The following PAPSS2 variants were observed in gnomAD, a reference collection of about 807,000 sequenced individuals.
PAPSS2 encodes the protein bifunctional 3'-phosphoadenosine 5'-phosphosulfate synthase 2.
Under a neutral mutation model 66.5 loss-of-function variants are expected in PAPSS2, and 61 were observed. That is an observed-to-expected ratio of 0.92 (90% confidence interval 0.75 to 1.14). PAPSS2 has a LOEUF of 1.14. PAPSS2 is among the 50% of genes most tolerant of loss of function. The pLI, the probability that PAPSS2 is intolerant of heterozygous loss-of-function variation, is 0.00. For missense variants in PAPSS2, 708 were observed against 789.6 expected (o/e 0.90, Z 1.24); for synonymous variants, 289 against 287.5 (o/e 1.01, Z -0.05).
intron 9 of PAPSS2, among the ~76,000 whole-genome samples, chr10:87,731,615 A>G (rs1853730556): frequency 6.6e-6 from 1 of 152,214 alleles, no homozygotes; most frequent in South Asian, 2.1e-4. Flanking sequence ...AACATTTGCA[A>G]TTCGTGGGAA....
chr10:87,660,058 C>T (rs1403587969), intron 1 of PAPSS2, 50 bp downstream of exon 1: 1 of 1,579,692 alleles, frequency 6.3e-7, no homozygotes, highest in Non-Finnish European at 8.6e-7. Flanking sequence ...CTGCACGCGC[C>T]GACCCCCAAC....
intron 1 of PAPSS2, among the ~76,000 whole-genome samples, chr10:87,703,219 G>A (rs1285595730): frequency 6.6e-6 from 1 of 150,410 alleles, no homozygotes; most frequent in East Asian, 2.0e-4. Context: ...GAACCTTAGT[G>A]TAGGGTACGT....
At chr10:87,743,878 G>A (rs1297269087) in intron 11 of PAPSS2, among the ~76,000 whole-genome samples, 1 of 152,170 alleles carries the variant, frequency 6.6e-6, no homozygotes, top group Non-Finnish European at 1.5e-5. Context: ...GCCGAGGTGG[G>A]CAGATCACAA....
In PAPSS2 at chr10:87,746,988, G is replaced by A. The variant is rs975306311; in HGVS notation, c.*1018G>A. 3.3e-5 allele frequency: 5 copies of A among 152,178 alleles called. No homozygotes were observed. The highest frequency in any genetic ancestry group is 9.7e-5 in the African/African-American group (4 of 41,426). 9.4% of individuals were successfully genotyped at this position (152,178 alleles called of 1,614,324 possible). A position where few individuals can be genotyped will look rare whatever the true frequency, so the allele number is the denominator to read the frequency against. On this transcript the variant is annotated 3_prime_UTR_variant, in exon 13 of 13. Coordinates refer to ENST00000456849, the MANE Select transcript of PAPSS2 (RefSeq NM_001015880.2). ...TGTAAATTTGCCATTATTAGGAAGT[G>A]CTGGTGGCAGTGAAGAAGCACCCAG...
intron 1 of PAPSS2, among the ~76,000 whole-genome samples, chr10:87,676,663 TA>T (rs1463914654): frequency 6.6e-6 from 1 of 151,916 alleles, no homozygotes; most frequent in Non-Finnish European, 1.5e-5. Context: ...TATGTTGCGT[TA>T]TATAGCACTT....
At chr10:87,662,853 C>T (rs1852769401) in intron 1 of PAPSS2, among the ~76,000 whole-genome samples, 1 of 151,850 alleles carries the variant, frequency 6.6e-6, no homozygotes, top group South Asian at 2.1e-4. Context: ...GGATTATCAA[C>T]CTTTTCCTTA....
intron 9 of PAPSS2, among the ~76,000 whole-genome samples, chr10:87,731,729 CGTG>C (rs1032625156): frequency 6.6e-5 from 10 of 152,100 alleles, no homozygotes; most frequent in Non-Finnish European, 1.0e-4. Flanking sequence ...TAACTGCAGA[CGTG>C]GTGGAAATAG....
intron 1 of PAPSS2, among the ~76,000 whole-genome samples, chr10:87,673,400 T>A (rs1467672036): frequency 6.6e-6 from 1 of 152,130 alleles, no homozygotes; most frequent in Admixed American, 6.6e-5. Flanking sequence ...CCTCAAGCGA[T>A]CCTCCCACCT....
At chr10:87,716,176 C>T (rs1853530219) in intron 7 of PAPSS2, among the ~76,000 whole-genome samples, 1 of 152,156 alleles carries the variant, frequency 6.6e-6, no homozygotes, top group African/African-American at 2.4e-5. Flanking sequence ...CTGCTAGGGA[C>T]ATTCCTAGGG....
At chr10:87,681,198 T>C (rs1431948788) in intron 1 of PAPSS2, among the ~76,000 whole-genome samples, 1 of 152,182 alleles carries the variant, frequency 6.6e-6, no homozygotes, top group Non-Finnish European at 1.5e-5. Flanking sequence ...CTGCTGTACA[T>C]AGCGTTGGAT....
chr10:87,718,614 G>A (rs1353798827), intron 7 of PAPSS2, among the ~76,000 whole-genome samples: 2 of 152,200 alleles, frequency 1.3e-5, no homozygotes, highest in African/African-American at 4.8e-5. Flanking sequence ...CCCCAGCCAT[G>A]TGCCACTTGC....
At chr10:87,736,067 G>A (rs908926933) in intron 9 of PAPSS2, among the ~76,000 whole-genome samples, 15 of 152,104 alleles carry the variant, frequency 9.9e-5, no homozygotes, top group African/African-American at 3.6e-4. Flanking sequence ...GTGGTGAAAG[G>A]TACTTGGGGT....
At chr10:87,681,879 A>T (rs1323483386) in intron 1 of PAPSS2, among the ~76,000 whole-genome samples, 3 of 152,188 alleles carry the variant, frequency 2.0e-5, no homozygotes, top group Admixed American at 6.5e-5. Context: ...TCAGTACTTC[A>T]TACTTTTTAT....
Position 87,741,317 on chromosome 10 carries a change from A to G in PAPSS2, c.1169A>G (p.Gln390Arg). 1.2e-6 allele frequency: 2 copies of G among 1,613,676 alleles called. No homozygotes were observed. The highest frequency in any genetic ancestry group is 1.7e-6 in the Non-Finnish European group (2 of 1,179,548). ...EKIRWNDGLD[Q>R]YRLTPLELKQ... The stretch of plus-strand genomic sequence containing the variant: ...ATAAGATGGAATGATGGGCTGGACC[A>G]ATACCGTCTGACACCTCTGGAGCTC... Residue 390 changes from glutamine to arginine, a missense_variant, in exon 10 of 13, where the codon CAA (glutamine) becomes CGA (arginine). By Grantham distance (43) the Gln-to-Arg change is conservative. Coordinates refer to ENST00000456849, the MANE Select transcript of PAPSS2 (RefSeq NM_001015880.2).
rs184304901 is a variant in PAPSS2 at position 87,747,691 on chromosome 10, A to G, written c.*1721A>G. ...CTGATGCTTGTTCTTATTTTAATAA[A>G]TTTATCAGAGTGAAGGCTGAGTTTT... On this transcript the variant is annotated 3_prime_UTR_variant, in exon 13 of 13. Coordinates refer to ENST00000456849, the MANE Select transcript of PAPSS2 (RefSeq NM_001015880.2). The G allele has an allele frequency of 1.0e-4, 16 of 152,654 alleles. No individual in the cohort carries two copies. The highest frequency in any genetic ancestry group is 3.3e-4 in the Admixed American group (5 of 15,304). The allele number at this position is 152,654 out of a possible 1,614,324, so 9.5% of individuals were successfully genotyped here.
At chr10:87,690,532 T>C (rs923011634) in intron 1 of PAPSS2, among the ~76,000 whole-genome samples, 1 of 152,132 alleles carries the variant, frequency 6.6e-6, no homozygotes, top group Admixed American at 6.5e-5. Flanking sequence ...TTTTGAGCCA[T>C]GTGGATGTGA....
rs1355968930 is a variant in PAPSS2, at chr10:87,660,025, C to G, written c.27+17C>G. On this transcript the variant is annotated intron_variant, in intron 1 of 12. Transcript: ENST00000456849. ...CAAAAGACGGTAGGCTTCCAGGCGC[C>G]GGCTTCCCTCCCCGCCACCGCACTG... 1.9e-6 allele frequency: 3 copies of G among 1,609,808 alleles called. No homozygotes were observed. In the South Asian group the frequency reaches 3.3e-5, roughly 18 times the overall value.
chr10:87,709,067 TA>T, intron 1 of PAPSS2, 128 bp from the exon 2 acceptor site: 1 of 624,834 alleles, frequency 1.6e-6, no homozygotes, highest in Non-Finnish European at 2.9e-6. Context: ...TCTTTCAAAA[TA>T]TTTTTTATAT....
intron 1 of PAPSS2, among the ~76,000 whole-genome samples, chr10:87,701,400 T>C (rs932328101): frequency 0.023 from 1,481 of 63,850 alleles, 16 homozygotes; most frequent in African/African-American, 0.068. Context: ...TTCTTTCTCT[T>C]TCTTTCTCTC....
Sources: allele counts gnomAD v4.1 joint callset (sites outside exome capture counted in the v4.1 genomes callset), GRCh38; gene constraint gnomAD v4.1.1; transcripts MANE v1.5; gene names NCBI Gene and HGNC (gene_info 2026-07-23, HGNC 2026-07-21).